The following FAM153A variants were observed in gnomAD, a reference collection of about 807,000 sequenced individuals.
FAM153A encodes the protein family with sequence similarity 153 member A.
FAM153A carries 12 observed loss-of-function variants against 48.1 expected under a neutral mutation model. The ratio of observed to expected loss-of-function variants is 0.25; its 90% CI spans 0.16 to 0.40. The LOEUF (loss-of-function observed/expected upper bound fraction) is 0.40. FAM153A is among the 10% of genes least tolerant of loss of function. FAM153A has a pLI of 1.00. For synonymous variants in FAM153A, 36 were observed against 118.2 expected (o/e 0.30, Z 4.51); for missense variants, 111 against 345.8 (o/e 0.32, Z 5.38).
chr5:177,778,231 T>A (rs1461563986), intron 1 of FAM153A, among the ~76,000 whole-genome samples: 1 of 26,216 alleles, frequency 3.8e-5, no homozygotes, highest in Non-Finnish European at 6.1e-5. Context: ...CTGCACAATG[T>A]GCACATGTAC....
chr5:177,699,775 A>G, the FAM153A span, among the ~76,000 whole-genome samples: 1 of 152,018 alleles, frequency 6.6e-6, no homozygotes, highest in African/African-American at 2.4e-5. Flanking sequence ...TCTACCAAAC[A>G]TGTAAAGAGG....
At chr5:177,738,620 A>G (rs1394899781) in intron 10 of FAM153A, among the ~76,000 whole-genome samples, 3 of 151,418 alleles carry the variant, frequency 2.0e-5, no homozygotes, top group Middle Eastern at 3.4e-3. Context: ...TCTTGCACTG[A>G]GGAGATAAAG....
chr5:177,699,572 A>G, the FAM153A span, among the ~76,000 whole-genome samples: 2 of 152,254 alleles, frequency 1.3e-5, no homozygotes, highest in African/African-American at 4.8e-5. Flanking sequence ...ATAAGGGAAT[A>G]CTATGGACAA....
the FAM153A span, among the ~76,000 whole-genome samples, chr5:177,700,113 AT>A: frequency 1.3e-5 from 2 of 151,994 alleles, no homozygotes; most frequent in Non-Finnish European, 2.9e-5. Flanking sequence ...CCACATAATC[AT>A]CTCAGTAACT....
At chr5:177,703,324 TGTA>T (rs1284334479), downstream of FAM153A, among the ~76,000 whole-genome samples, 30 of 152,092 alleles carry the variant, frequency 2.0e-4, no homozygotes, top group East Asian at 5.6e-3. Context: ...GCATGGGGCC[TGTA>T]GCCCCTTTGT....
At chr5:177,705,479 AACC>A (rs1434280149), downstream of FAM153A, among the ~76,000 whole-genome samples, 1 of 151,258 alleles carries the variant, frequency 6.6e-6, no homozygotes, top group Non-Finnish European at 1.5e-5. Context: ...GAGCCAATTA[AACC>A]TCTTGTCTTT....
downstream of FAM153A, among the ~76,000 whole-genome samples, chr5:177,706,239 C>T (rs1261512539): frequency 6.6e-6 from 1 of 151,768 alleles, no homozygotes; most frequent in African/African-American, 2.4e-5. Flanking sequence ...CTCTGTCGCC[C>T]AGGCTAGAGT....
downstream of FAM153A, among the ~76,000 whole-genome samples, chr5:177,708,609 A>G (rs1277023465): frequency 6.6e-6 from 1 of 151,970 alleles, no homozygotes; most frequent in East Asian, 1.9e-4. Context: ...GTGCTTTCAC[A>G]TATGACAGGC....
upstream of FAM153A, among the ~76,000 whole-genome samples, chr5:177,756,249 A>G (rs1344209294): frequency 6.7e-6 from 1 of 149,382 alleles, no homozygotes; most frequent in African/African-American, 2.5e-5. Flanking sequence ...AGGCCATTAC[A>G]TAATGGTAAA....
At chr5:177,779,314 G>A (rs1286301626) in intron 1 of FAM153A, among the ~76,000 whole-genome samples, 4 of 125,492 alleles carry the variant, frequency 3.2e-5, no homozygotes, top group African/African-American at 6.0e-5. Flanking sequence ...GTGCGCACCC[G>A]AACGCACATG....
At chr5:177,718,654 CAATA>C (rs1760354161), downstream of FAM153A, 4 of 132,234 alleles carry the variant, frequency 3.0e-5, 2 homozygotes, top group South Asian at 1.1e-3. Flanking sequence ...AGTGACTAAA[CAATA>C]AATAATTTGT....
At chr5:177,713,917 C>T (rs1759037887) in intron 25 of FAM153A, 1 of 151,856 alleles carries the variant, frequency 6.6e-6, no homozygotes, top group African/African-American at 2.4e-5. Context: ...CCATGGTGCC[C>T]TGTTCAGAAA....
upstream of FAM153A, chr5:177,783,228 G>A (rs191446343): frequency 9.3e-3 from 1,007 of 107,968 alleles, 54 homozygotes; most frequent in African/African-American, 0.036. Flanking sequence ...TGGCACTGGC[G>A]CGGGATGGCG....
At chr5:177,713,299 G>A (rs932922179) in intron 26 of FAM153A, 1 of 143,142 alleles carries the variant, frequency 7.0e-6, no homozygotes, top group African/African-American at 2.6e-5. Context: ...TGCCTAGGCT[G>A]GAGTGCAGTA....
chr5:177,750,259 T>G (rs1034327809), intron 2 of FAM153A: 4 of 154,272 alleles, frequency 2.6e-5, no homozygotes, highest in African/African-American at 7.3e-5. Flanking sequence ...AATTAGTAGA[T>G]GCAGCTCAGG....
intron 1 of FAM153A, among the ~76,000 whole-genome samples, chr5:177,759,678 G>T (rs1768110757): frequency 6.6e-6 from 1 of 151,392 alleles, no homozygotes; most frequent in Admixed American, 6.6e-5. Flanking sequence ...CATGGATGAA[G>T]CTGGAAACCA....
chr5:177,726,186 C>A (rs1762447386), intron 18 of FAM153A, among the ~76,000 whole-genome samples: 1 of 138,604 alleles, frequency 7.2e-6, no homozygotes, highest in African/African-American at 2.8e-5. Context: ...GTATGAAGGA[C>A]TTTGTCTTCA....
chr5:177,709,114 A>G (rs1215300266), downstream of FAM153A, among the ~76,000 whole-genome samples: 2 of 125,704 alleles, frequency 1.6e-5, no homozygotes, highest in African/African-American at 3.0e-5. Context: ...AAAAAAAAAA[A>G]AAAAAAAAAA....
intron 6 of FAM153A, among the ~76,000 whole-genome samples, chr5:177,743,553 G>T (rs1170402438): frequency 5.6e-5 from 7 of 124,894 alleles, no homozygotes; most frequent in African/African-American, 2.2e-4. Context: ...GAAAGTTGGG[G>T]TGATTTCACC....
Sources: gnomAD v4.1 joint callset for allele counts (sites outside exome capture counted in the v4.1 genomes callset) on GRCh38, gnomAD v4.1.1 for gene constraint, MANE v1.5 for transcripts, NCBI Gene and HGNC (gene_info 2026-07-23, HGNC 2026-07-21) for gene names.